AGBL1: variants seen among roughly 807,000 people sequenced by gnomAD.
The protein encoded by AGBL1 is AGBL carboxypeptidase 1, also known as cytosolic carboxypeptidase 4.
A neutral mutation model predicts 118.9 loss-of-function variants in AGBL1; 130 were observed. That is an observed-to-expected ratio of 1.09 (90% CI 0.95 to 1.26). The LOEUF (loss-of-function observed/expected upper bound fraction) is 1.26, where lower values mean the gene tolerates loss of function less well. Ranked by LOEUF, AGBL1 falls within the 50% of genes most tolerant of loss-of-function variation. AGBL1 has a pLI of 0.00. For missense variants in AGBL1, 1,584 were observed against 1,298.1 expected (o/e 1.22, Z -3.38); for synonymous variants, 555 against 478.9 (o/e 1.16, Z -2.08).
intron 18 of AGBL1, among the ~76,000 whole-genome samples, chr15:86,508,778 C>T (rs2083015959): frequency 6.6e-6 from 1 of 152,082 alleles, no homozygotes. Flanking sequence ...GTACTATCCT[C>T]AAATGATTTA....
rs1898309396 is a variant in AGBL1 at position 86,124,683 on chromosome 15, A to G, written c.52-17321A>G. 2.6e-5 allele frequency among the ~76,000 whole-genome samples: 4 copies of G among 152,176 alleles called. No homozygotes were observed. The South Asian group carries it at 8.3e-4, about 31-fold the overall frequency. On this transcript the variant is annotated intron_variant, in intron 1 of 22. Transcript: ENST00000614907. Reference sequence around the variant, plus strand: ...CATGTTCCTCACAAAGAGAGTCTACATTTTTGATTGTTGGCTCAAACACCA... The same window carrying G: ...CATGTTCCTCACAAAGAGAGTCTACGTTTTTGATTGTTGGCTCAAACACCA...
chr15:86,411,023 G>A (rs552883804), intron 18 of AGBL1, among the ~76,000 whole-genome samples: 2 of 146,386 alleles, frequency 1.4e-5, no homozygotes, highest in South Asian at 4.3e-4. Context: ...GAACTGAATA[G>A]GTTGTACAAA....
At chr15:86,727,048 C>G (rs1025807161) in intron 22 of AGBL1, among the ~76,000 whole-genome samples, 1 of 152,038 alleles carries the variant, frequency 6.6e-6, no homozygotes, top group African/African-American at 2.4e-5. Flanking sequence ...GTTTAAACTC[C>G]CTTTGGACTG....
intron 21 of AGBL1, among the ~76,000 whole-genome samples, chr15:86,564,322 C>T (rs1207395541): frequency 1.3e-5 from 2 of 152,136 alleles, no homozygotes; most frequent in Non-Finnish European, 2.9e-5. Context: ...GTAGGGCAGG[C>T]CTGGAGGTGA....
intron 24 of AGBL1, among the ~76,000 whole-genome samples, chr15:87,018,899 C>T (rs1015346135): frequency 2.6e-5 from 4 of 151,996 alleles, no homozygotes; most frequent in South Asian, 2.1e-4. Context: ...TGCAAAGAAA[C>T]ACATAGTCTC....
chr15:86,413,300 A>T (rs191608609), intron 18 of AGBL1, among the ~76,000 whole-genome samples: 1 of 152,338 alleles, frequency 6.6e-6, no homozygotes, highest in East Asian at 1.9e-4. Flanking sequence ...TGCAAGGATA[A>T]CATATTTGCA....
At chr15:86,584,017 C>T (rs1203621786) in intron 21 of AGBL1, among the ~76,000 whole-genome samples, 1 of 151,998 alleles carries the variant, frequency 6.6e-6, no homozygotes, top group Non-Finnish European at 1.5e-5. Flanking sequence ...ATGTCTTTTA[C>T]CCATTTTTAA....
chr15:86,477,055 C>T (rs1314468202), intron 18 of AGBL1, among the ~76,000 whole-genome samples: 1 of 152,062 alleles, frequency 6.6e-6, no homozygotes, highest in Non-Finnish European at 1.5e-5. Context: ...CACAACATAC[C>T]AGAATCTCTG....
intron 18 of AGBL1, among the ~76,000 whole-genome samples, chr15:86,470,278 C>A (rs938497135): frequency 1.3e-5 from 2 of 152,076 alleles, no homozygotes; most frequent in African/African-American, 4.8e-5. Context: ...CAATTTTATT[C>A]TTTTGCATGT....
At chr15:86,974,317 A>G (rs1280957995) in intron 23 of AGBL1, among the ~76,000 whole-genome samples, 3 of 83,252 alleles carry the variant, frequency 3.6e-5, no homozygotes, top group African/African-American at 5.1e-5. Context: ...AAACATTTTA[A>G]TATATTAAAT....
intron 5 of AGBL1, among the ~76,000 whole-genome samples, chr15:86,198,659 AT>A (rs2077854640): frequency 6.6e-6 from 1 of 150,802 alleles, no homozygotes; most frequent in South Asian, 2.1e-4. Flanking sequence ...GAAGAGGAAG[AT>A]TTTCTCTCTC....
chr15:86,733,814 A>G (rs1253497874), intron 22 of AGBL1, among the ~76,000 whole-genome samples: 1 of 152,168 alleles, frequency 6.6e-6, no homozygotes, highest in Non-Finnish European at 1.5e-5. Flanking sequence ...TCCTGGTTAA[A>G]AGTGTCTTTA....
At chr15:86,201,251 G>T (rs973780331) in intron 5 of AGBL1, among the ~76,000 whole-genome samples, 5 of 152,324 alleles carry the variant, frequency 3.3e-5, no homozygotes, top group African/African-American at 4.8e-5. Context: ...ATAATGGGAA[G>T]TTCTATGTAG....
intron 17 of AGBL1, among the ~76,000 whole-genome samples, chr15:86,336,283 T>C (rs556509346): frequency 1.2e-3 from 182 of 152,320 alleles, no homozygotes; most frequent in African/African-American, 4.2e-3. Flanking sequence ...ACTCATGGGG[T>C]TGGGTTCTGT....
chr15:86,504,129 C>T (rs2082947516), intron 18 of AGBL1, among the ~76,000 whole-genome samples: 1 of 151,598 alleles, frequency 6.6e-6, no homozygotes, highest in Admixed American at 6.6e-5. Context: ...TATTTACAAT[C>T]TAGCTTCTTG....
chr15:86,179,527 G>T (rs1449352337), intron 5 of AGBL1, among the ~76,000 whole-genome samples: 1 of 151,982 alleles, frequency 6.6e-6, no homozygotes, highest in Non-Finnish European at 1.5e-5. Context: ...CCAATAAAAA[G>T]CGCAATACAT....
At chr15:86,694,574 G>T (rs2086223641) in intron 22 of AGBL1, among the ~76,000 whole-genome samples, 1 of 151,866 alleles carries the variant, frequency 6.6e-6, no homozygotes, top group South Asian at 2.1e-4. Flanking sequence ...TTACTGATTT[G>T]GATGCCATTT....
chr15:86,996,096 G>A (rs1182539864), intron 24 of AGBL1, among the ~76,000 whole-genome samples: 1 of 152,104 alleles, frequency 6.6e-6, no homozygotes, highest in Non-Finnish European at 1.5e-5. Flanking sequence ...GTGGGCTGAT[G>A]ACACTCCTCC....
At chr15:86,628,534 T>A (rs1596319740) in intron 21 of AGBL1, among the ~76,000 whole-genome samples, 1 of 152,202 alleles carries the variant, frequency 6.6e-6, no homozygotes, top group Non-Finnish European at 1.5e-5. Context: ...CAGTGGCTCA[T>A]GCCTGTAATC....
Sources: allele counts gnomAD v4.1 joint callset (sites outside exome capture counted in the v4.1 genomes callset), GRCh38; gene constraint gnomAD v4.1.1; transcripts MANE v1.5; gene names NCBI Gene and HGNC (gene_info 2026-07-23, HGNC 2026-07-21).